PPFIA1: variants seen among roughly 807,000 people sequenced by gnomAD.
The protein encoded by PPFIA1 is PPFI scaffold protein A1, also known as liprin-alpha-1.
In PPFIA1, 25 loss-of-function variants were observed where a neutral mutation model predicts 149.9. The observed-to-expected ratio is 0.17, with a 90% CI of 0.12 to 0.23. The LOEUF (loss-of-function observed/expected upper bound fraction) is 0.23. Ranked by LOEUF, PPFIA1 falls within the 10% of genes least tolerant of loss-of-function variation. PPFIA1 has a pLI of 1.00. For synonymous variants in PPFIA1, 549 were observed against 552.8 expected (o/e 0.99, Z 0.10); for missense variants, 1,362 against 1,506.5 (o/e 0.90, Z 1.59).
rs534307933 is a variant in PPFIA1 at position 70,302,097 on chromosome 11, GC to G, written c.265-22304del. Among the ~76,000 whole-genome samples, 36 of 152,342 alleles carry G rather than the reference GC, an allele frequency of 2.4e-4. No individual in the cohort carries two copies. The East Asian group carries it at 6.2e-3, about 26-fold the overall frequency. On this transcript the variant is annotated intron_variant, in intron 2 of 27. Transcript: ENST00000253925. ...GGCACAGTAGACAGAATCCAGCATA[GC>G]ACAGGAAAGGAGCTGGCCAGGTTGC...
At chr11:70,287,721 G>A (rs1389484950) in intron 2 of PPFIA1, among the ~76,000 whole-genome samples, 1 of 151,434 alleles carries the variant, frequency 6.6e-6, no homozygotes, top group Non-Finnish European at 1.5e-5. Flanking sequence ...ACAGCTCACC[G>A]TATTCTCAGC....
At chr11:70,296,008 C>T (rs1012519232) in intron 2 of PPFIA1, among the ~76,000 whole-genome samples, 75 of 134,140 alleles carry the variant, frequency 5.6e-4, no homozygotes, top group African/African-American at 1.9e-3. Flanking sequence ...CAGACGGGGT[C>T]GCGACCGGGC....
chr11:70,272,283 A>G lies in PPFIA1; in HGVS notation c.111A>G (p.Glu37=). 1 of 1,614,160 alleles carries G rather than the reference A, an allele frequency of 6.2e-7. No individual in the cohort carries two copies. The highest frequency in any genetic ancestry group is 8.5e-7 in the Non-Finnish European group (1 of 1,180,030). Residue 37 remains glutamate (E), a synonymous_variant, in exon 2 of 28, where the codon GAA becomes GAG. Coordinates refer to ENST00000253925, the MANE Select transcript of PPFIA1 (RefSeq NM_003626.5). ...PSQPDADSHF[E]QLMVSMLEER... is the part of the protein sequence containing the mutation. ...AGCCAGATGCAGATTCACATTTTGA[A>G]CAGTTGATGGTCTCCATGCTAGAAG...
intron 2 of PPFIA1, among the ~76,000 whole-genome samples, chr11:70,298,538 T>G (rs1457150464): frequency 2.0e-5 from 3 of 152,142 alleles, no homozygotes; most frequent in Non-Finnish European, 2.9e-5. Flanking sequence ...TGGTTGTTAT[T>G]AAAAGGCCCA....
chr11:70,332,577 A>G (rs1472121635), intron 9 of PPFIA1, among the ~76,000 whole-genome samples: 1 of 152,186 alleles, frequency 6.6e-6, no homozygotes, highest in Non-Finnish European at 1.5e-5. Context: ...TTTTTAAGTA[A>G]TATTTATTCA....
intron 2 of PPFIA1, among the ~76,000 whole-genome samples, chr11:70,308,690 G>T (rs1175304824): frequency 6.6e-6 from 1 of 152,092 alleles, no homozygotes; most frequent in African/African-American, 2.4e-5. Flanking sequence ...CCAGCATTTT[G>T]GGAGGTCAAG....
In PPFIA1 at chr11:70,326,320, A is replaced by G. The variant is rs1333582554; in HGVS notation, c.665A>G (p.Asp222Gly). Reference sequence around the variant, plus strand: ...AAAACTCTAACAGATGGAGTGCTGGACATAAACCATGAACAAGAAAATACA... The same window carrying G: ...AAAACTCTAACAGATGGAGTGCTGGGCATAAACCATGAACAAGAAAATACA... Reference protein sequence around the residue: ...QKKTLTDGVLDINHEQENTPS... With the variant: ...QKKTLTDGVLGINHEQENTPS... Residue 222 changes from aspartate (D) to glycine (G), a missense_variant, in exon 6 of 28, where the codon GAC becomes GGC. This residue lies in a region of PPFIA1 where 733 missense variants were observed against 744.1 expected (regional missense o/e 0.99). Transcript: ENST00000253925. 13 of 1,610,678 alleles carry G rather than the reference A, an allele frequency of 8.1e-6. No individual in the cohort carries two copies. The South Asian group carries it at 1.3e-4, about 16-fold the overall frequency.
chr11:70,322,013 GCATGCACCAC>G (rs539057097), intron 2 of PPFIA1, among the ~76,000 whole-genome samples: 39 of 152,260 alleles, frequency 2.6e-4, no homozygotes, highest in South Asian at 8.3e-4. Context: ...GGGATTACAG[GCATGCACCAC>G]CATGCACCAC....
At chr11:70,271,429 C>T (rs1257443080) in intron 1 of PPFIA1, 1 of 152,300 alleles carries the variant, frequency 6.6e-6, no homozygotes, top group Non-Finnish European at 1.5e-5. Flanking sequence ...ATATCCCAGA[C>T]ACTTAATAGA....
chr11:70,306,218 T>G (rs2052837611), intron 2 of PPFIA1, among the ~76,000 whole-genome samples: 1 of 140,266 alleles, frequency 7.1e-6, no homozygotes, highest in Non-Finnish European at 1.5e-5. Context: ...CTTGTGATCT[T>G]TAATTTTTTT....
At position 70,325,603 on chromosome 11, in the gene PPFIA1, AT is replaced by A. The variant is rs751684351; in HGVS notation, c.606+31del. The A allele has an allele frequency of 2.8e-6, 4 of 1,428,124 alleles. No homozygotes were observed. In the South Asian group the frequency reaches 4.6e-5, roughly 16 times the overall value. The allele number at this position is 1,428,124 out of a possible 1,614,324, so 88.5% of individuals were successfully genotyped here. On this transcript the variant is annotated intron_variant, in intron 5 of 27. Transcript: ENST00000253925. ...AGCTTGAGACTTCATCATGAGTTGA[AT>A]TGGGGGGGGGTTATTTTTATCCTTT...
intron 14 of PPFIA1, 140 bp downstream of exon 14, chr11:70,339,446 GT>G: frequency 9.2e-7 from 1 of 1,092,736 alleles, no homozygotes; most frequent in Non-Finnish European, 1.3e-6. Context: ...CTGACTAAGA[GT>G]TTAGCTTTTA....
At chr11:70,339,711 G>A (rs2055198060) in intron 14 of PPFIA1, among the ~76,000 whole-genome samples, 2 of 149,714 alleles carry the variant, frequency 1.3e-5, no homozygotes, top group Non-Finnish European at 3.0e-5. Context: ...ATTTAAAGTA[G>A]TGATTAAAAA....
At chr11:70,280,123 G>T (rs1174457066) in intron 2 of PPFIA1, among the ~76,000 whole-genome samples, 1 of 151,788 alleles carries the variant, frequency 6.6e-6, no homozygotes, top group Non-Finnish European at 1.5e-5. Context: ...GCACAGACTG[G>T]TCTCAAACTC....
intron 2 of PPFIA1, among the ~76,000 whole-genome samples, chr11:70,301,348 T>C (rs1220493431): frequency 6.6e-6 from 1 of 152,158 alleles, no homozygotes; most frequent in Non-Finnish European, 1.5e-5. Context: ...CCTGCGCACT[T>C]GGTTTTGGTC....
intron 2 of PPFIA1, among the ~76,000 whole-genome samples, chr11:70,311,216 G>GGA (rs2053247994): frequency 6.6e-6 from 1 of 152,028 alleles, no homozygotes; most frequent in Admixed American, 6.6e-5. Context: ...GGCTGAGGCA[G>GGA]GAGAATCGCT....
intron 2 of PPFIA1, among the ~76,000 whole-genome samples, chr11:70,287,119 C>T (rs1477642104): frequency 6.6e-6 from 1 of 151,832 alleles, no homozygotes; most frequent in Non-Finnish European, 1.5e-5. Context: ...TCCCAGAGTG[C>T]TGGGATTACA....
rs767256422 is a variant in PPFIA1 at position 70,354,360 on chromosome 11, C to T, written c.2223C>T (p.Ser741=). 6 of 1,614,088 alleles carry T rather than the reference C, an allele frequency of 3.7e-6. No individual in the cohort carries two copies. The South Asian group carries it at 6.6e-5, about 18-fold the overall frequency. Residue 741 remains serine, a synonymous_variant, in exon 17 of 28, where the codon TCC becomes TCT. Coordinates refer to ENST00000253925, the MANE Select transcript of PPFIA1 (RefSeq NM_003626.5). ...DDKTTIKCET[S]PPSSPRALRL... ...AGACAACCATAAAGTGTGAAACCTC[C>T]CCGCCTTCCTCCCCGAGAGCCCTTC...
rs773605824 is a variant in PPFIA1, at chr11:70,348,301, C to T, written c.2044C>T (p.Pro682Ser). 1.1e-5 allele frequency: 17 copies of T among 1,613,974 alleles called. No homozygotes were observed. The highest frequency in any genetic ancestry group is 3.3e-5 in the Admixed American group (2 of 59,992). The change falls in exon 16 of 28, where the codon CCC becomes TCC. Residue 682 changes from proline (P) to serine (S), a missense_variant. Pro to Ser is a moderately conservative substitution (Grantham distance 74). Coordinates refer to ENST00000253925, the MANE Select transcript of PPFIA1 (RefSeq NM_003626.5). ...LGRFRSMSSIPPYPASSLASS... is the reference protein window; with the variant it reads ...LGRFRSMSSISPYPASSLASS... The stretch of plus-strand genomic sequence containing the variant: ...TCGTTTTAGATCAATGAGCTCCATT[C>T]CCCCCTACCCTGCTTCCTCGCTTGC...
Sources: allele counts gnomAD v4.1 joint callset (sites outside exome capture counted in the v4.1 genomes callset), GRCh38; gene constraint gnomAD v4.1.1; regional missense constraint gnomAD v4.1.1; transcripts MANE v1.5; gene names NCBI Gene and HGNC (gene_info 2026-07-23, HGNC 2026-07-21).